Variants in MTOR observed in about 807,000 individuals in gnomAD.
MTOR encodes the protein serine/threonine-protein kinase mTOR.
Under a neutral mutation model 319.8 loss-of-function variants are expected in MTOR, and 70 were observed. That is an observed-to-expected ratio of 0.22 (90% confidence interval 0.18 to 0.27). The LOEUF (loss-of-function observed/expected upper bound fraction) is 0.27, where lower values mean the gene tolerates loss of function less well. Among genes scored for constraint, MTOR ranks in the 10% least tolerant of loss-of-function variants. The pLI is 1.00. For missense variants in MTOR, 1,890 were observed against 3,274.4 expected, an observed-to-expected ratio of 0.58 and a Z score of 10.32; for synonymous variants, 1,183 against 1,211.4, an observed-to-expected ratio of 0.98 and a Z score of 0.49.
intron 28 of MTOR, among the ~76,000 whole-genome samples, chr1:11,180,138 C>T (rs1645101703): frequency 6.6e-6 from 1 of 152,138 alleles, no homozygotes; most frequent in South Asian, 2.1e-4. Flanking sequence ...CTCCTGGCTT[C>T]AAGCAATCCT....
chr1:11,142,324 T>C (rs898210617), intron 34 of MTOR, among the ~76,000 whole-genome samples: 34 of 152,226 alleles, frequency 2.2e-4, no homozygotes, highest in Admixed American at 1.3e-3. Context: ...AGTATCATTC[T>C]GTCCCTCAGG....
chr1:11,156,651 C>T lies in MTOR; in HGVS notation c.4469+501G>A, dbSNP rs371204257. ...TCAGGCTATAATAACCCTCTGTTTA[C>T]GTGGCTGTCTCATCAACCTCACAGG... is the stretch of plus-strand genomic sequence containing the variant. On this transcript the variant is annotated intron_variant, in intron 30 of 57. Coordinates refer to ENST00000361445, the MANE Select transcript of MTOR (RefSeq NM_004958.4). Among the ~76,000 whole-genome samples the T allele has an allele frequency of 9.2e-5, 14 of 152,272 alleles. No homozygotes were observed. The East Asian group carries it at 1.4e-3, about 15-fold the overall frequency.
At chr1:11,222,755 A>T (rs896618005) in intron 19 of MTOR, among the ~76,000 whole-genome samples, 6 of 151,740 alleles carry the variant, frequency 4.0e-5, no homozygotes, top group Non-Finnish European at 5.9e-5. Context: ...GGAAAAAAAC[A>T]TTTTTTTTAA....
intron 54 of MTOR, among the ~76,000 whole-genome samples, chr1:11,110,287 T>C (rs1231450108): frequency 1.3e-5 from 2 of 152,202 alleles, no homozygotes; most frequent in African/African-American, 2.4e-5. Flanking sequence ...AGGTGTTAGG[T>C]TCACCCTCCA....
At position 11,133,032 on chromosome 1, in the gene MTOR, C is replaced by A; in HGVS notation, c.5364+48G>T. ...GTAACCACGAGCACACAGGAGGACA[C>A]GAGCCAGCCAGGGTGCTGGGTCTCA... On this transcript the variant is annotated intron_variant, in intron 38 of 57. Coordinates refer to ENST00000361445, the MANE Select transcript of MTOR (RefSeq NM_004958.4). The surrounding 1 kb of genome is among the most constrained non-coding windows in gnomAD (Gnocchi z 4.0). The A allele has an allele frequency of 6.5e-7, 1 of 1,530,342 alleles. No individual in the cohort carries two copies. The highest frequency in any genetic ancestry group is 1.1e-5 in the South Asian group (1 of 89,154). The allele number at this position is 1,530,342 out of a possible 1,614,324, so 94.8% of individuals were successfully genotyped here.
chr1:11,255,260 G>A (rs1650212243), intron 5 of MTOR, among the ~76,000 whole-genome samples: 1 of 151,832 alleles, frequency 6.6e-6, no homozygotes, highest in Middle Eastern at 3.4e-3. Flanking sequence ...GCACATGCCT[G>A]TAGTCCCAGC....
intron 28 of MTOR, among the ~76,000 whole-genome samples, chr1:11,169,748 T>G (rs917695032): frequency 6.6e-6 from 1 of 152,256 alleles, no homozygotes; most frequent in Non-Finnish European, 1.5e-5. Flanking sequence ...TCATCTTTTT[T>G]GAATGTAAAT....
At chr1:11,219,547 T>C (rs1646588961) in intron 19 of MTOR, among the ~76,000 whole-genome samples, 1 of 152,206 alleles carries the variant, frequency 6.6e-6, no homozygotes, top group Admixed American at 6.5e-5. Context: ...GATTTTCTAG[T>C]ATTGCTCCAG....
chr1:11,145,767 G>T (rs1210766987), intron 32 of MTOR, among the ~76,000 whole-genome samples: 6 of 152,168 alleles, frequency 3.9e-5, no homozygotes, highest in Non-Finnish European at 8.8e-5. Context: ...GCCTCCCAAA[G>T]TGCTGCGATT....
chr1:11,114,177 G>A, intron 53 of MTOR, 141 bp downstream of exon 53: 3 of 947,200 alleles, frequency 3.2e-6, no homozygotes, highest in East Asian at 2.6e-5. Flanking sequence ...TTCAGTTTTT[G>A]CAGAAAGGGG....
intron 28 of MTOR, among the ~76,000 whole-genome samples, chr1:11,196,814 T>C (rs1473089668): frequency 2.0e-5 from 3 of 148,922 alleles, no homozygotes; most frequent in Non-Finnish European, 4.4e-5. Context: ...ATTGTGCCAC[T>C]GCACTCCAGC....
At chr1:11,230,218 T>G (rs988030542) in intron 18 of MTOR, among the ~76,000 whole-genome samples, 1 of 151,842 alleles carries the variant, frequency 6.6e-6, no homozygotes, top group African/African-American at 2.4e-5. Context: ...GTCAGGAGTT[T>G]GAGAACAGCC....
intron 16 of MTOR, 128 bp from the exon 17 acceptor site, chr1:11,231,562 A>G: frequency 8.6e-7 from 1 of 1,163,976 alleles, no homozygotes; most frequent in Admixed American, 2.9e-5. Flanking sequence ...TCCAGTAAAG[A>G]CACTAACCAT....
intron 19 of MTOR, among the ~76,000 whole-genome samples, chr1:11,226,728 C>T (rs1196454894): frequency 6.6e-6 from 1 of 151,962 alleles, no homozygotes; most frequent in Admixed American, 6.6e-5. Flanking sequence ...GAGCCCATAT[C>T]ACCTATTGCA....
chr1:11,122,581 C>G (rs1642597176), intron 47 of MTOR, among the ~76,000 whole-genome samples: 1 of 144,710 alleles, frequency 6.9e-6, no homozygotes, highest in Admixed American at 7.3e-5. Flanking sequence ...TATTTTGGTT[C>G]ACTGCAACCT....
rs1643308407 is a variant in MTOR at position 11,134,436 on chromosome 1, C to A, written c.5161G>T (p.Val1721Phe). The A allele has an allele frequency of 1.9e-6, 3 of 1,614,142 alleles. No individual in the cohort carries two copies. The highest frequency in any genetic ancestry group is 2.5e-6 in the Non-Finnish European group (3 of 1,180,032). The change falls in exon 37 of 58, where the codon GTC (valine) becomes TTC (phenylalanine). Residue 1721 changes from valine (V) to phenylalanine (F), a missense_variant. This residue lies in a region of MTOR where 276 missense variants were observed against 459.4 expected (regional missense o/e 0.60). Transcript: ENST00000361445. ...TGGGCCTGTTGCTGCATGGTCTGGA[C>A]AAAATGCTGCATGTGCTGGAAGGCA... ...IDAFQHMQHF[V>F]QTMQQQAQHA...
intron 30 of MTOR, among the ~76,000 whole-genome samples, chr1:11,155,070 A>G (rs560841159): frequency 2.6e-5 from 4 of 152,338 alleles, no homozygotes; most frequent in African/African-American, 9.6e-5. Context: ...GAAAGACTAC[A>G]TGTAGTGAAA....
At position 11,233,385 on chromosome 1, in the gene MTOR, G is replaced by C; in HGVS notation, c.2421+13C>G. On this transcript the variant is annotated intron_variant, in intron 15 of 57. Coordinates refer to ENST00000361445, the MANE Select transcript of MTOR (RefSeq NM_004958.4). ...CCCTATCTCCGCTATGGAAAAAGTA[G>C]CTGCCCCTTTACCTGTGCCAATTCT... The C allele has an allele frequency of 1.2e-6, 2 of 1,611,234 alleles. No homozygotes were observed. Among genetic ancestry groups the C allele is most frequent in the Non-Finnish European group, 1.7e-6 (2 of 1,177,810 alleles).
intron 13 of MTOR, among the ~76,000 whole-genome samples, chr1:11,236,857 A>G (rs1647283764): frequency 6.6e-6 from 1 of 152,138 alleles, no homozygotes; most frequent in Admixed American, 6.6e-5. Flanking sequence ...AATGTTTTTA[A>G]GACTTAAAAT....
Sources: allele counts gnomAD v4.1 joint callset (sites outside exome capture counted in the v4.1 genomes callset), GRCh38; gene constraint gnomAD v4.1.1; regional missense constraint gnomAD v4.1.1; non-coding constraint Gnocchi (gnomAD v3.1); transcripts MANE v1.5; gene names NCBI Gene and HGNC (gene_info 2026-07-23, HGNC 2026-07-21).